Variants in FLT1 observed in about 807,000 individuals in gnomAD.
The protein encoded by FLT1 is vascular endothelial growth factor receptor 1.
FLT1 carries 49 observed loss-of-function variants against 156.3 expected under a neutral mutation model. The ratio of observed to expected loss-of-function variants is 0.31; its 90% CI spans 0.25 to 0.40. The LOEUF (loss-of-function observed/expected upper bound fraction) is 0.40. Ranked by LOEUF, FLT1 falls within the 10% of genes least tolerant of loss-of-function variation. The pLI, the probability that FLT1 is intolerant of heterozygous loss-of-function variation, is 1.00. For synonymous variants in FLT1, 594 were observed against 583.8 expected (o/e 1.02, Z -0.25); for missense variants, 1,322 against 1,637.2 (o/e 0.81, Z 3.32).
At chr13:28,345,709 T>A in intron 15 of FLT1, 158 bp from the exon 16 acceptor site, 2 of 662,372 alleles carry the variant, frequency 3.0e-6, no homozygotes, top group South Asian at 3.3e-5. Flanking sequence ...ATCTCTTACC[T>A]TCTAAGCCAG....
intron 29 of FLT1, among the ~76,000 whole-genome samples, chr13:28,304,866 C>G (rs577312794): frequency 1.3e-5 from 2 of 152,316 alleles, no homozygotes; most frequent in Non-Finnish European, 2.9e-5. Flanking sequence ...TGCATGCATA[C>G]TTCACACTTT....
intron 24 of FLT1, 56 bp from the exon 25 acceptor site, chr13:28,317,653 A>G: frequency 9.4e-7 from 1 of 1,068,242 alleles, no homozygotes; most frequent in Non-Finnish European, 1.5e-6. Flanking sequence ...GGTACAAAAG[A>G]CCAAGAGGGG....
chr13:28,310,704 GT>G (rs1870966649), intron 27 of FLT1, among the ~76,000 whole-genome samples: 3 of 152,156 alleles, frequency 2.0e-5, no homozygotes, highest in Non-Finnish European at 4.4e-5. Flanking sequence ...AGATGCGTTT[GT>G]TAGGTCAAAA....
At chr13:28,409,353 C>CTT (rs60544619) in intron 10 of FLT1, among the ~76,000 whole-genome samples, 3 of 143,236 alleles carry the variant, frequency 2.1e-5, no homozygotes, top group Admixed American at 7.0e-5. Flanking sequence ...TTCTTTCTTT[C>CTT]TTTTTTTTTT....
chr13:28,405,677 G>A, intron 11 of FLT1, 103 bp downstream of exon 11: 1 of 755,460 alleles, frequency 1.3e-6, no homozygotes. Context: ...CTGAATTTTT[G>A]TTTGAACATT....
chr13:28,424,055 A>G (rs1877172805), intron 10 of FLT1, among the ~76,000 whole-genome samples: 1 of 151,778 alleles, frequency 6.6e-6, no homozygotes, highest in Non-Finnish European at 1.5e-5. Flanking sequence ...GGTTCAAGCA[A>G]TTGTCCCTGA....
chr13:28,300,605 T>C lies in FLT1; in HGVS notation c.*2562A>G, dbSNP rs897428598. ...AAAGATGCACTCCTCCTTTAATCAA[T>C]TTAAATGAGGCTAGCGAGTATCTGT... On this transcript the variant is annotated 3_prime_UTR_variant, in exon 30 of 30. Coordinates refer to ENST00000282397, the MANE Select transcript of FLT1 (RefSeq NM_002019.4). The C allele has an allele frequency of 2.2e-5, 5 of 232,526 alleles. No homozygotes were observed. The highest frequency in any genetic ancestry group is 4.2e-5 in the Non-Finnish European group (5 of 117,996). The allele number at this position is 232,526 out of a possible 1,614,324, so 14.4% of individuals were successfully genotyped here.
At chr13:28,311,843 G>A in intron 26 of FLT1, 111 bp from the exon 27 acceptor site, 4 of 1,308,044 alleles carry the variant, frequency 3.1e-6, no homozygotes. Context: ...GTTGTGTTTT[G>A]AGAAGATAAT....
intron 18 of FLT1, among the ~76,000 whole-genome samples, chr13:28,330,764 C>T (rs1321932241): frequency 6.6e-6 from 1 of 151,438 alleles, no homozygotes; most frequent in Admixed American, 6.6e-5. Flanking sequence ...CCCAGGCTGG[C>T]GTGCATTGGT....
At chr13:28,372,968 A>G (rs905949338) in intron 14 of FLT1, among the ~76,000 whole-genome samples, 27 of 152,222 alleles carry the variant, frequency 1.8e-4, no homozygotes, top group African/African-American at 6.3e-4. Flanking sequence ...GCAAAGAGCC[A>G]TTAAATGAAA....
At chr13:28,486,364 CT>C (rs1472984514) in intron 1 of FLT1, among the ~76,000 whole-genome samples, 1 of 152,190 alleles carries the variant, frequency 6.6e-6, no homozygotes, top group African/African-American at 2.4e-5. Flanking sequence ...GCCACCCTGC[CT>C]CCAACAGATA....
rs370986273 is a variant in FLT1 at position 28,308,892 on chromosome 13, C to A, written c.3671G>T (p.Arg1224Ile). The A allele has an allele frequency of 1.2e-6, 2 of 1,612,092 alleles. No individual in the cohort carries two copies. The highest frequency in any genetic ancestry group is 1.3e-5 in the African/African-American group (1 of 74,904). The change falls in exon 28 of 30, where the codon AGA becomes ATA. Residue 1224 changes from arginine (R) to isoleucine (I), a missense_variant. Coordinates refer to ENST00000282397, the MANE Select transcript of FLT1 (RefSeq NM_002019.4). Reference protein sequence around the residue: ...VNAFKFMSLERIKTFEELLPN... With the variant: ...VNAFKFMSLEIIKTFEELLPN... Reference sequence around the variant, plus strand: ...TAAAAGTTCTTCAAAGGTTTTGATTCTTTCCAGGCTCATGAACTTGAAAGC... The same window carrying A: ...TAAAAGTTCTTCAAAGGTTTTGATTATTTCCAGGCTCATGAACTTGAAAGC...
intron 1 of FLT1, among the ~76,000 whole-genome samples, 174 bp downstream of exon 1, chr13:28,494,606 G>T (rs1486364290): frequency 1.3e-5 from 2 of 152,156 alleles, no homozygotes; most frequent in Non-Finnish European, 2.9e-5. Context: ...GAGAAAGGGC[G>T]CAGCGGCCCC....
chr13:28,376,700 C>T (rs1366069799), intron 14 of FLT1, among the ~76,000 whole-genome samples: 2 of 152,134 alleles, frequency 1.3e-5, no homozygotes, highest in Non-Finnish European at 2.9e-5. Flanking sequence ...GCCAGTAGCC[C>T]CTCTTGCAGC....
rs777327090 is a variant in FLT1 at position 28,398,927 on chromosome 13, C to T, written c.1552-1859G>A. ...GGCAAATAATCCATGGGAAAGTGTA[C>T]GAAAGAGAGCTCAGGTGTCCCTTTT... On this transcript the variant is annotated intron_variant, in intron 11 of 29. Coordinates refer to ENST00000282397, the MANE Select transcript of FLT1 (RefSeq NM_002019.4). 64 of 733,140 alleles carry T rather than the reference C, an allele frequency of 8.7e-5. No homozygotes were observed. In the African/African-American group the frequency reaches 9.7e-4, roughly 11 times the overall value. 45.4% of individuals were successfully genotyped at this position (733,140 alleles called of 1,614,324 possible).
chr13:28,365,949 T>A lies in FLT1; in HGVS notation c.2117-8264A>T, dbSNP rs151245700. 8.1e-3 allele frequency among the ~76,000 whole-genome samples: 1,229 copies of A among 151,984 alleles called. 10 individuals carry two copies. The highest frequency in any genetic ancestry group is 0.013 in the Non-Finnish European group (878 of 67,952). On this transcript the variant is annotated intron_variant, in intron 14 of 29. Transcript: ENST00000282397. ...GAGCCAGGCACGTAATATAAATGAG[T>A]TGGGGATAAAATAATGGAAGGGGGA...
intron 11 of FLT1, among the ~76,000 whole-genome samples, chr13:28,400,564 A>G (rs1875369290): frequency 6.6e-6 from 1 of 152,210 alleles, no homozygotes; most frequent in Non-Finnish European, 1.5e-5. Context: ...ATTGTAGATC[A>G]GTGTAGTCTG....
At chr13:28,412,291 C>CTT (rs1876251254) in intron 10 of FLT1, among the ~76,000 whole-genome samples, 1 of 151,240 alleles carries the variant, frequency 6.6e-6, no homozygotes, top group Non-Finnish European at 1.5e-5. Context: ...TCCCCCTTCT[C>CTT]TTTCTTTTTC....
Position 28,494,980 on chromosome 13 carries a change from C to T in FLT1, c.-137G>A. On this transcript the variant is annotated 5_prime_UTR_variant, in exon 1 of 30. Coordinates refer to ENST00000282397, the MANE Select transcript of FLT1 (RefSeq NM_002019.4). ...CCGTCTCGCGGCTCCAGCCAGGAGA[C>T]AACCACTTCCCCGGGTAATCCTCGC... is the stretch of plus-strand genomic sequence containing the variant. 1.6e-6 allele frequency: 1 copy of T among 606,642 alleles called. No homozygotes were observed. The highest frequency in any genetic ancestry group is 2.6e-6 in the Non-Finnish European group (1 of 379,286). The allele number at this position is 606,642 out of a possible 1,614,324, so 37.6% of individuals were successfully genotyped here.
Sources: gnomAD v4.1 joint callset for allele counts (sites outside exome capture counted in the v4.1 genomes callset) on GRCh38, gnomAD v4.1.1 for gene constraint, MANE v1.5 for transcripts, NCBI Gene and HGNC (gene_info 2026-07-23, HGNC 2026-07-21) for gene names.